The following MICU3 variants were observed in gnomAD, a reference collection of about 807,000 sequenced individuals.
MICU3 encodes the protein calcium uptake protein 3, mitochondrial.
In MICU3, 62 loss-of-function variants were observed where a neutral mutation model predicts 66.5. The observed-to-expected ratio is 0.93, with a 90% CI of 0.76 to 1.15. The LOEUF (loss-of-function observed/expected upper bound fraction) is 1.15, where lower values mean the gene tolerates loss of function less well. Ranked by LOEUF, MICU3 falls within the 50% of genes most tolerant of loss-of-function variation. MICU3 has a pLI of 0.00. For missense variants in MICU3, 779 were observed against 664.4 expected, an observed-to-expected ratio of 1.17 and a Z score of -1.90; for synonymous variants, 308 against 240.7, an observed-to-expected ratio of 1.28 and a Z score of -2.59.
chr8:17,131,112 T>C, the MICU3 span: 3 of 152,288 alleles, frequency 2.0e-5, no homozygotes, highest in East Asian at 5.8e-4. Flanking sequence ...AAAACCACCA[T>C]TTAAACAAGG....
At chr8:17,098,960 A>G (rs150132305) in intron 9 of MICU3, among the ~76,000 whole-genome samples, 387 of 151,836 alleles carry the variant, frequency 2.5e-3, no homozygotes, top group African/African-American at 8.9e-3. Context: ...GGCCTGGGGT[A>G]TGGGAGTTTG....
chr8:17,116,746 T>G, intron 13 of MICU3, 146 bp downstream of exon 13: 1 of 543,578 alleles, frequency 1.8e-6, no homozygotes, highest in Non-Finnish European at 3.1e-6. Flanking sequence ...TAGGCCTTAC[T>G]TCCCTTAAAA....
chr8:17,048,168 C>G (rs956688495), intron 1 of MICU3, among the ~76,000 whole-genome samples: 1 of 152,002 alleles, frequency 6.6e-6, no homozygotes, highest in Non-Finnish European at 1.5e-5. Flanking sequence ...AAAGCAAAAC[C>G]TAGAATGGAA....
chr8:17,119,976 C>G (rs1014316587), intron 14 of MICU3, among the ~76,000 whole-genome samples: 1 of 152,074 alleles, frequency 6.6e-6, no homozygotes, highest in Non-Finnish European at 1.5e-5. Flanking sequence ...AAAAGGAGGA[C>G]CATTGTCTGG....
At chr8:17,031,605 T>C (rs1414038086) in intron 1 of MICU3, among the ~76,000 whole-genome samples, 2 of 152,074 alleles carry the variant, frequency 1.3e-5, no homozygotes, top group Admixed American at 1.3e-4. Context: ...TTTTTGATTT[T>C]TCTGAAGTGA....
chr8:17,073,917 G>T (rs966519702), intron 3 of MICU3, among the ~76,000 whole-genome samples: 1 of 152,124 alleles, frequency 6.6e-6, no homozygotes, highest in African/African-American at 2.4e-5. Context: ...AATATTAACT[G>T]ACAGTCATTT....
Position 17,073,944 on chromosome 8 carries a change from T to G in MICU3, c.568-3839T>G, listed in dbSNP as rs549474686. On this transcript the variant is annotated intron_variant, in intron 3 of 14. Transcript: ENST00000318063. Reference sequence around the variant, plus strand: ...CAGTCATTTAAAGTGCAAATACCTTTTCAAAGGTCCATGAAGTCAAAACTA... The same window carrying G: ...CAGTCATTTAAAGTGCAAATACCTTGTCAAAGGTCCATGAAGTCAAAACTA... Among the ~76,000 whole-genome samples the G allele has an allele frequency of 2.0e-5, 3 of 152,340 alleles. No homozygotes were observed. In the South Asian group the frequency reaches 6.2e-4, roughly 32 times the overall value.
intron 1 of MICU3, among the ~76,000 whole-genome samples, chr8:17,035,689 T>C (rs1812854232): frequency 6.6e-6 from 1 of 152,196 alleles, no homozygotes; most frequent in African/African-American, 2.4e-5. Flanking sequence ...GTTAAAGGCA[T>C]TCAGTTTTAT....
At chr8:17,092,624 T>G (rs1333312864) in intron 8 of MICU3, among the ~76,000 whole-genome samples, 1 of 152,078 alleles carries the variant, frequency 6.6e-6, no homozygotes, top group Admixed American at 6.6e-5. Context: ...ATGAGTTTAC[T>G]TGGTTAGATA....
intron 1 of MICU3, among the ~76,000 whole-genome samples, chr8:17,033,796 A>G (rs923146276): frequency 2.0e-5 from 3 of 152,210 alleles, no homozygotes; most frequent in African/African-American, 7.2e-5. Context: ...AAAAGTTGGA[A>G]GTTAGCAGAG....
chr8:17,059,417 C>G (rs1358858437), intron 1 of MICU3, among the ~76,000 whole-genome samples: 1 of 152,100 alleles, frequency 6.6e-6, no homozygotes, highest in Non-Finnish European at 1.5e-5. Flanking sequence ...ATTGGCAATT[C>G]ATTAGAAGCA....
chr8:17,110,528 T>G (rs1357499604), intron 11 of MICU3, among the ~76,000 whole-genome samples: 1 of 152,164 alleles, frequency 6.6e-6, no homozygotes, highest in Non-Finnish European at 1.5e-5. Flanking sequence ...GTAACCTTTT[T>G]GTTTGGGTTC....
chr8:17,055,947 C>T (rs956102888), intron 1 of MICU3, among the ~76,000 whole-genome samples: 2 of 152,206 alleles, frequency 1.3e-5, no homozygotes, highest in African/African-American at 4.8e-5. Context: ...CTAGACATGT[C>T]TCTTAAGTCC....
intron 14 of MICU3, among the ~76,000 whole-genome samples, 178 bp from the exon 15 acceptor site, chr8:17,120,110 A>T (rs1338114184): frequency 6.6e-6 from 1 of 152,148 alleles, no homozygotes; most frequent in Non-Finnish European, 1.5e-5. Context: ...AAGATTGAGG[A>T]TTGCACAGAT....
At chr8:17,076,266 T>C (rs921369198) in intron 3 of MICU3, among the ~76,000 whole-genome samples, 8 of 152,028 alleles carry the variant, frequency 5.3e-5, no homozygotes, top group African/African-American at 1.9e-4. Context: ...AACTCTTGGA[T>C]TCAAGGGATC....
intron 1 of MICU3, among the ~76,000 whole-genome samples, chr8:17,048,545 A>G (rs1371516232): frequency 6.6e-6 from 1 of 152,170 alleles, no homozygotes; most frequent in Non-Finnish European, 1.5e-5. Context: ...CTCATGACAC[A>G]TGGGAATTAT....
chr8:17,044,349 C>A (rs1302967540), intron 1 of MICU3, among the ~76,000 whole-genome samples: 4 of 152,150 alleles, frequency 2.6e-5, no homozygotes, highest in African/African-American at 9.7e-5. Context: ...ATAGGTTTTA[C>A]TCAGGAAGCA....
intron 1 of MICU3, among the ~76,000 whole-genome samples, chr8:17,051,151 T>TC (rs1220114248): frequency 6.6e-6 from 1 of 152,180 alleles, no homozygotes; most frequent in African/African-American, 2.4e-5. Flanking sequence ...TACATGGCCC[T>TC]CCCCACCTTA....
chr8:17,100,819 T>C (rs1054654296), intron 9 of MICU3, among the ~76,000 whole-genome samples: 1 of 151,752 alleles, frequency 6.6e-6, no homozygotes, highest in Non-Finnish European at 1.5e-5. Flanking sequence ...TCATATATAA[T>C]AAATTCTTAG....
Sources: gnomAD v4.1 joint callset for allele counts (sites outside exome capture counted in the v4.1 genomes callset) on GRCh38, gnomAD v4.1.1 for gene constraint, MANE v1.5 for transcripts, NCBI Gene and HGNC (gene_info 2026-07-23, HGNC 2026-07-21) for gene names.